Variants in EXOC4 observed in about 807,000 individuals in gnomAD.
The protein encoded by EXOC4 is SEC8-like 1.
EXOC4 carries 71 observed loss-of-function variants against 107.2 expected under a neutral mutation model. The ratio of observed to expected loss-of-function variants is 0.66; its 90% CI spans 0.55 to 0.81. The LOEUF is 0.81. Ranked by LOEUF, EXOC4 falls within the 30% of genes least tolerant of loss-of-function variation. EXOC4 has a pLI of 0.00. For synonymous variants in EXOC4, 456 were observed against 441.2 expected, an observed-to-expected ratio of 1.03 and a Z score of -0.42; for missense variants, 1,108 against 1,189.6, an observed-to-expected ratio of 0.93 and a Z score of 1.01.
chr7:133,711,415 A>C (rs1794890413), intron 10 of EXOC4, among the ~76,000 whole-genome samples: 1 of 152,206 alleles, frequency 6.6e-6, no homozygotes, highest in South Asian at 2.1e-4. Flanking sequence ...CACAAACTGA[A>C]ACCCACTGAT....
chr7:133,472,730 A>G (rs922597478), intron 7 of EXOC4, among the ~76,000 whole-genome samples: 1 of 152,146 alleles, frequency 6.6e-6, no homozygotes, highest in Non-Finnish European at 1.5e-5. Flanking sequence ...ATAAGGACCA[A>G]TGCAAGATTT....
intron 11 of EXOC4, among the ~76,000 whole-genome samples, chr7:133,872,303 T>C (rs1798767370): frequency 6.6e-6 from 1 of 152,218 alleles, no homozygotes; most frequent in African/African-American, 2.4e-5. Flanking sequence ...TAGCAGTTAA[T>C]TCAATTTTGG....
chr7:134,053,871 A>G (rs1045867809), intron 17 of EXOC4, among the ~76,000 whole-genome samples: 8 of 152,136 alleles, frequency 5.3e-5, no homozygotes, highest in Admixed American at 1.3e-4. Context: ...AAGAAGAACT[A>G]TGAAGTACAA....
intron 7 of EXOC4, among the ~76,000 whole-genome samples, chr7:133,415,847 C>T (rs1797463317): frequency 6.6e-6 from 1 of 151,906 alleles, no homozygotes; most frequent in South Asian, 2.1e-4. Flanking sequence ...GAAAATTTTG[C>T]CAAGGAACAA....
intron 14 of EXOC4, among the ~76,000 whole-genome samples, chr7:133,985,006 C>T (rs530322337): frequency 5.3e-5 from 8 of 152,066 alleles, no homozygotes; most frequent in Non-Finnish European, 1.0e-4. Flanking sequence ...TTGGGAGGCT[C>T]ATAATAGTAT....
chr7:133,692,142 A>G (rs111999834), intron 10 of EXOC4, among the ~76,000 whole-genome samples: 129 of 152,324 alleles, frequency 8.5e-4, no homozygotes, highest in African/African-American at 3.0e-3. Context: ...ATGAAGCAGT[A>G]GTAACAAAAA....
chr7:133,324,809 G>T (rs560235947), intron 5 of EXOC4, among the ~76,000 whole-genome samples: 3 of 152,158 alleles, frequency 2.0e-5, no homozygotes, highest in Non-Finnish European at 1.5e-5. Flanking sequence ...TGACAGTGGG[G>T]TGTTAAAGTC....
At chr7:133,949,570 A>G (rs1275073262) in intron 14 of EXOC4, among the ~76,000 whole-genome samples, 1 of 152,232 alleles carries the variant, frequency 6.6e-6, no homozygotes, top group Non-Finnish European at 1.5e-5. Flanking sequence ...AAATTCATCT[A>G]AAGAAGGTAC....
chr7:133,743,728 G>C (rs73724727), intron 10 of EXOC4, among the ~76,000 whole-genome samples: 11,643 of 152,214 alleles, frequency 0.076, 513 homozygotes, highest in Middle Eastern at 0.13. Flanking sequence ...AGAGATCACT[G>C]TCCATTTAGT....
chr7:133,810,795 G>A (rs1797208288), intron 10 of EXOC4, among the ~76,000 whole-genome samples: 2 of 151,774 alleles, frequency 1.3e-5, no homozygotes, highest in South Asian at 2.1e-4. Flanking sequence ...CATGCCCTGG[G>A]GCTAATTTTT....
intron 14 of EXOC4, among the ~76,000 whole-genome samples, chr7:133,939,736 G>A (rs1449926696): frequency 6.6e-6 from 1 of 152,148 alleles, no homozygotes; most frequent in Non-Finnish European, 1.5e-5. Context: ...TAGAAAATGT[G>A]TCTACCAATT....
chr7:133,643,188 C>T (rs1802901525), intron 10 of EXOC4, among the ~76,000 whole-genome samples: 1 of 152,134 alleles, frequency 6.6e-6, no homozygotes, highest in Non-Finnish European at 1.5e-5. Context: ...GAGGGACCCA[C>T]AATAGCCTGC....
At position 133,837,837 on chromosome 7, in the gene EXOC4, A is replaced by G. The variant is rs184320633; in HGVS notation, c.1734+20293A>G. On this transcript the variant is annotated intron_variant, in intron 11 of 17. Transcript: ENST00000253861. ...TGGAGGTGTCTAAGTTGGATAAGGT[A>G]AAACTTCCTAACTCAAAAACTTAGA... 9.2e-5 allele frequency among the ~76,000 whole-genome samples: 14 copies of G among 152,338 alleles called. No homozygotes were observed. The East Asian group carries it at 2.5e-3, about 27-fold the overall frequency.
At chr7:134,062,776 G>C (rs1294641317) in intron 17 of EXOC4, among the ~76,000 whole-genome samples, 2 of 152,210 alleles carry the variant, frequency 1.3e-5, no homozygotes, top group Non-Finnish European at 2.9e-5. Flanking sequence ...GATAGCAGTG[G>C]CATAGTATTG....
intron 14 of EXOC4, among the ~76,000 whole-genome samples, chr7:133,989,859 G>A (rs574935698): frequency 5.9e-5 from 9 of 152,052 alleles, no homozygotes; most frequent in Non-Finnish European, 8.8e-5. Context: ...AGAACAGCGC[G>A]AATTTGGAAA....
chr7:133,895,688 G>A lies in EXOC4; in HGVS notation c.1824G>A (p.Val608=). 6.2e-7 allele frequency: 1 copy of A among 1,614,138 alleles called. No individual in the cohort carries two copies. Among genetic ancestry groups the A allele is most frequent in the Non-Finnish European group, 8.5e-7 (1 of 1,179,990 alleles). Residue 608 remains valine, a synonymous_variant, in exon 12 of 18, where the codon GTG becomes GTA. Transcript: ENST00000253861. ...ATTCAGATCAATTCCTCAACATGGT[G>A]TGCGTGAAGCTCCAGGAGTACAAGG... ...SAYSDQFLNM[V]CVKLQEYKDT...
In EXOC4 at chr7:133,651,766, C is replaced by T. The variant is rs145691868; in HGVS notation, c.1514+21625C>T. On this transcript the variant is annotated intron_variant, in intron 10 of 17. Coordinates refer to ENST00000253861, the MANE Select transcript of EXOC4 (RefSeq NM_021807.4). ...GTGGCATGATCTCGACTCACTGCAA[C>T]CTCTGCCTCCCAGGTTCAAGGGATT... Among the ~76,000 whole-genome samples, 544 of 152,282 alleles carry T rather than the reference C, an allele frequency of 3.6e-3. 2 individuals carry two copies. The highest frequency in any genetic ancestry group is 4.8e-3 in the Non-Finnish European group (327 of 68,016).
chr7:133,404,280 T>C (rs1180874577), intron 7 of EXOC4, among the ~76,000 whole-genome samples: 2 of 152,096 alleles, frequency 1.3e-5, no homozygotes, highest in Admixed American at 6.5e-5. Context: ...TTTTTTTGTA[T>C]TTTTAGTAGA....
At chr7:133,558,185 C>CCTTCT (rs1019557184) in intron 9 of EXOC4, among the ~76,000 whole-genome samples, 1 of 91,418 alleles carries the variant, frequency 1.1e-5, no homozygotes, top group African/African-American at 4.4e-5. Context: ...TATTTTGGTT[C>CCTTCT]CTTCTCTTTT....
Sources: allele counts gnomAD v4.1 joint callset (sites outside exome capture counted in the v4.1 genomes callset), GRCh38; gene constraint gnomAD v4.1.1; transcripts MANE v1.5; gene names NCBI Gene and HGNC (gene_info 2026-07-23, HGNC 2026-07-21).